Variants in PTPN13 observed in about 807,000 individuals in gnomAD.
The protein encoded by PTPN13 is protein tyrosine phosphatase non-receptor type 13.
A neutral mutation model predicts 284.0 loss-of-function variants in PTPN13; 191 were observed. The observed-to-expected ratio is 0.67, with a 90% CI of 0.60 to 0.76. The LOEUF is 0.76. PTPN13 is among the 30% of genes least tolerant of loss of function. The pLI, the probability that PTPN13 is intolerant of heterozygous loss-of-function variation, is 0.00. For missense variants in PTPN13, 2,797 were observed against 2,939.9 expected, an observed-to-expected ratio of 0.95 and a Z score of 1.12; for synonymous variants, 986 against 1,022.3, an observed-to-expected ratio of 0.96 and a Z score of 0.68.
At chr4:86,617,318 G>C (rs564893067) in intron 1 of PTPN13, among the ~76,000 whole-genome samples, 1 of 152,114 alleles carries the variant, frequency 6.6e-6, no homozygotes, top group Non-Finnish European at 1.5e-5. Flanking sequence ...GACGGTCCTC[G>C]ACTTAGGAGG....
chr4:86,803,278 AAAAT>A (rs1744254679), intron 42 of PTPN13, among the ~76,000 whole-genome samples: 1 of 150,962 alleles, frequency 6.6e-6, no homozygotes, highest in Admixed American at 6.6e-5. Context: ...ATAAATATAT[AAAAT>A]AAATAAAATA....
chr4:86,642,202 A>G (rs1283440970), intron 2 of PTPN13, among the ~76,000 whole-genome samples: 2 of 151,990 alleles, frequency 1.3e-5, no homozygotes, highest in Non-Finnish European at 2.9e-5. Flanking sequence ...TCCTATCTCT[A>G]GTATAGCTTT....
At chr4:86,759,683 T>C (rs904703155) in intron 23 of PTPN13, among the ~76,000 whole-genome samples, 4 of 152,208 alleles carry the variant, frequency 2.6e-5, no homozygotes, top group African/African-American at 9.7e-5. Context: ...ATTCTGTTTC[T>C]ACCACCTAAA....
At chr4:86,633,575 A>G (rs1722696643) in intron 1 of PTPN13, among the ~76,000 whole-genome samples, 1 of 152,190 alleles carries the variant, frequency 6.6e-6, no homozygotes, top group South Asian at 2.1e-4. Flanking sequence ...TTCTTGTTCT[A>G]TCTTTGCTCT....
chr4:86,710,788 TGTTAA>T, intron 7 of PTPN13, among the ~76,000 whole-genome samples: 1 of 152,322 alleles, frequency 6.6e-6, no homozygotes, highest in Non-Finnish European at 1.5e-5. Context: ...ATAAAATATT[TGTTAA>T]GTTTTTATAC....
In PTPN13 at chr4:86,597,727, A is replaced by C. The variant is rs545535565; in HGVS notation, c.-6+2938A>C. 8.1e-4 allele frequency among the ~76,000 whole-genome samples: 123 copies of C among 152,366 alleles called. 1 individual carries two copies. The highest frequency in any genetic ancestry group is 2.9e-3 in the African/African-American group (122 of 41,592). ...TCCCAAGAATGTGTGACTGTCACTA[A>C]TAGTAAGGCAGTAGGTGGGCCATTT... On this transcript the variant is annotated intron_variant, in intron 1 of 47. Coordinates refer to ENST00000411767, the MANE Select transcript of PTPN13 (RefSeq NM_080683.3).
chr4:86,722,491 G>T (rs1194124003), intron 10 of PTPN13, 57 bp downstream of exon 10: 1 of 1,443,568 alleles, frequency 6.9e-7, no homozygotes, highest in Non-Finnish European at 9.7e-7. Context: ...GGAACTCTTG[G>T]GCAAAGTACT....
At chr4:86,722,561 A>G (rs1445277994) in intron 10 of PTPN13, 127 bp downstream of exon 10, 4 of 672,930 alleles carry the variant, frequency 5.9e-6, no homozygotes, top group East Asian at 5.2e-5. Flanking sequence ...GAAATCCCAT[A>G]TTCATTTCCA....
intron 4 of PTPN13, among the ~76,000 whole-genome samples, 158 bp downstream of exon 4, chr4:86,686,933 A>T (rs1729525146): frequency 6.6e-6 from 1 of 152,234 alleles, no homozygotes; most frequent in African/African-American, 2.4e-5. Context: ...TCATACTTTC[A>T]GGATGAACTT....
At chr4:86,786,661 G>T (rs760516580) in intron 40 of PTPN13, among the ~76,000 whole-genome samples, 2 of 151,952 alleles carry the variant, frequency 1.3e-5, no homozygotes, top group Non-Finnish European at 2.9e-5. Flanking sequence ...GTAAAAATAG[G>T]CTCTTTAGAG....
At position 86,809,981 on chromosome 4, in the gene PTPN13, T is replaced by C. The variant is rs1445267511; in HGVS notation, c.7296T>C (p.Leu2432=). The change falls in exon 46 of 48, where the codon CTT becomes CTC. Residue 2432 remains leucine (L), a synonymous_variant. Transcript: ENST00000411767. ...TTCTGGGATTAATCAGTCAGGATCT[T>C]GATGTGAGTACAAGATATTGGCTGA... ...DVVLGLISQD[L]DFDISDLVRC... is the part of the protein sequence containing the mutation. The C allele has an allele frequency of 8.1e-6, 13 of 1,613,184 alleles. No individual in the cohort carries two copies. The highest frequency in any genetic ancestry group is 1.1e-5 in the Non-Finnish European group (13 of 1,179,428).
Position 86,728,979 on chromosome 4 carries a change from CT to C in PTPN13, c.1609-3420del, listed in dbSNP as rs1734639924. Among the ~76,000 whole-genome samples, 3 of 148,744 alleles carry C rather than the reference CT, an allele frequency of 2.0e-5. 1 individual carries two copies. The highest frequency in any genetic ancestry group is 3.0e-5 in the Non-Finnish European group (2 of 66,410). On this transcript the variant is annotated intron_variant, in intron 10 of 47. Transcript: ENST00000411767. Reference sequence around the variant, plus strand: ...TGGCATGTTTTTGCAGTGGCTGGTACTGGTTGTTCCTATCCATGTTTAGTGC... The same window carrying C: ...TGGCATGTTTTTGCAGTGGCTGGTACGGTTGTTCCTATCCATGTTTAGTGC...
intron 41 of PTPN13, among the ~76,000 whole-genome samples, chr4:86,797,484 T>G (rs1428124309): frequency 1.3e-5 from 2 of 151,686 alleles, no homozygotes; most frequent in African/African-American, 2.4e-5. Context: ...AGAGCAAGAC[T>G]CTGTCTCAAA....
chr4:86,678,019 C>T (rs1303411354), intron 3 of PTPN13, among the ~76,000 whole-genome samples: 2 of 152,158 alleles, frequency 1.3e-5, no homozygotes, highest in East Asian at 3.9e-4. Flanking sequence ...TTTTGGTTTG[C>T]AATAAATGAT....
At chr4:86,734,261 TA>T in intron 12 of PTPN13, 41 bp from the exon 13 acceptor site, 1 of 1,362,160 alleles carries the variant, frequency 7.3e-7, no homozygotes, top group East Asian at 2.6e-5. Context: ...AACACTAAAG[TA>T]TTTTTTTATT....
chr4:86,619,007 A>G (rs567700447), intron 1 of PTPN13, among the ~76,000 whole-genome samples: 196 of 152,242 alleles, frequency 1.3e-3, no homozygotes, highest in African/African-American at 4.6e-3. Flanking sequence ...GTCTTGTGCC[A>G]GTTTTCAAAG....
chr4:86,662,717 G>T (rs777176183), intron 2 of PTPN13, among the ~76,000 whole-genome samples: 1 of 152,126 alleles, frequency 6.6e-6, no homozygotes, highest in Non-Finnish European at 1.5e-5. Context: ...GAGTAGTTTT[G>T]CTCTCAAAGT....
At chr4:86,787,211 C>T (rs1368339223) in intron 40 of PTPN13, among the ~76,000 whole-genome samples, 3 of 151,854 alleles carry the variant, frequency 2.0e-5, no homozygotes, top group Admixed American at 2.0e-4. Flanking sequence ...TGGCAGAAAA[C>T]TTCTTTCAAG....
chr4:86,714,281 C>T (rs1023598687), intron 7 of PTPN13, among the ~76,000 whole-genome samples: 10 of 152,108 alleles, frequency 6.6e-5, no homozygotes, highest in Admixed American at 1.3e-4. Flanking sequence ...TTCCAGGCAA[C>T]ATTATGATAT....
Sources: gnomAD v4.1 joint callset for allele counts (sites outside exome capture counted in the v4.1 genomes callset) on GRCh38, gnomAD v4.1.1 for gene constraint, MANE v1.5 for transcripts, NCBI Gene and HGNC (gene_info 2026-07-23, HGNC 2026-07-21) for gene names.